Variants in FCN2 observed in about 807,000 individuals in gnomAD.
The protein encoded by FCN2 is ficolin 2.
FCN2 carries 31 observed loss-of-function variants against 32.5 expected under a neutral mutation model. The ratio of observed to expected loss-of-function variants is 0.96; its 90% CI spans 0.72 to 1.29. The LOEUF is 1.29. Ranked by LOEUF, FCN2 falls within the 50% of genes most tolerant of loss-of-function variation. The probability of loss-of-function intolerance (pLI) is 0.00; values close to 1 mark genes in which losing one functional copy is unlikely to be tolerated. For synonymous variants in FCN2, 181 were observed against 164.5 expected, an observed-to-expected ratio of 1.10 and a Z score of -0.77; for missense variants, 412 against 406.5, an observed-to-expected ratio of 1.01 and a Z score of -0.12.
chr9:134,887,048 G>A, intron 7 of FCN2, 120 bp from the exon 8 acceptor site: 1 of 1,186,332 alleles, frequency 8.4e-7, no homozygotes, highest in Non-Finnish European at 1.3e-6. Flanking sequence ...GGATTGTGCA[G>A]TGCACAACCT....
upstream of FCN2, among the ~76,000 whole-genome samples, chr9:134,875,952 G>T (rs1830600546): frequency 1.3e-5 from 2 of 152,160 alleles, no homozygotes; most frequent in African/African-American, 4.8e-5. Flanking sequence ...GATAGAAAAG[G>T]AATACTTTTT....
At chr9:134,874,968 T>C in the FCN2 span, among the ~76,000 whole-genome samples, 1 of 152,240 alleles carries the variant, frequency 6.6e-6, no homozygotes, top group African/African-American at 2.4e-5. Flanking sequence ...CTATGGTAAA[T>C]GGTGTTTTAA....
the FCN2 span, among the ~76,000 whole-genome samples, chr9:134,874,943 T>C: frequency 2.0e-5 from 3 of 152,256 alleles, no homozygotes; most frequent in Non-Finnish European, 4.4e-5. Context: ...CCATAAGTAT[T>C]TTATATTTTC....
intron 5 of FCN2, 33 bp from the exon 6 acceptor site, chr9:134,885,735 C>G (rs549770448): frequency 3.1e-6 from 5 of 1,613,568 alleles, no homozygotes; most frequent in Non-Finnish European, 4.2e-6. Context: ...TCGGCCTGGC[C>G]CCCCCGGCTC....
upstream of FCN2, among the ~76,000 whole-genome samples, chr9:134,879,150 T>C (rs1830630042): frequency 6.6e-6 from 1 of 152,234 alleles, no homozygotes; most frequent in Non-Finnish European, 1.5e-5. Flanking sequence ...AGTGATTCAA[T>C]AGTTTATATG....
At position 134,887,465 on chromosome 9, in the gene FCN2, GGTA is replaced by G; in HGVS notation, c.*52_*54del. The G allele has an allele frequency of 1.3e-6, 2 of 1,585,360 alleles. No individual in the cohort carries two copies. Among genetic ancestry groups the G allele is most frequent in the Non-Finnish European group, 1.7e-6 (2 of 1,156,044 alleles). On this transcript the variant is annotated 3_prime_UTR_variant, in exon 8 of 8. Coordinates refer to ENST00000291744, the MANE Select transcript of FCN2 (RefSeq NM_004108.3). ...CGCCTCCACACATAGTTGGTTGGGGGGTAGGGTTGGGAGCTTGGCCCTACGGTT... is the reference window on the plus strand; with the variant it reads ...CGCCTCCACACATAGTTGGTTGGGGGGGGTTGGGAGCTTGGCCCTACGGTT...
chr9:134,887,472 T>C lies in FCN2; in HGVS notation c.*57T>C. ...ACACATAGTTGGTTGGGGGGTAGGGTTGGGAGCTTGGCCCTACGGTTTGTA... is the reference window on the plus strand; with the variant it reads ...ACACATAGTTGGTTGGGGGGTAGGGCTGGGAGCTTGGCCCTACGGTTTGTA... On this transcript the variant is annotated 3_prime_UTR_variant, in exon 8 of 8. Coordinates refer to ENST00000291744, the MANE Select transcript of FCN2 (RefSeq NM_004108.3). The C allele has an allele frequency of 1.9e-6, 3 of 1,549,408 alleles. No homozygotes were observed. Among genetic ancestry groups the C allele is most frequent in the South Asian group, 1.1e-5 (1 of 89,168 alleles).
At chr9:134,885,699 G>C in intron 5 of FCN2, 69 bp from the exon 6 acceptor site, 4 of 1,607,874 alleles carry the variant, frequency 2.5e-6, no homozygotes, top group Non-Finnish European at 2.6e-6. Context: ...CTCCTCTGGA[G>C]GGCGGGTCCC....
At chr9:134,865,058 C>T in the FCN2 span, among the ~76,000 whole-genome samples, 4 of 152,340 alleles carry the variant, frequency 2.6e-5, no homozygotes, top group East Asian at 3.9e-4. Context: ...GCCTGTGCCA[C>T]GATCAATGTC....
chr9:134,870,031 T>C, the FCN2 span, among the ~76,000 whole-genome samples: 1 of 152,192 alleles, frequency 6.6e-6, no homozygotes, highest in Non-Finnish European at 1.5e-5. This position sits in a 1 kb window ranked among gnomAD's most constrained non-coding sequence, Gnocchi z 4.3. Flanking sequence ...GATCCGACTC[T>C]GGTGGTCCTC....
Position 134,887,313 on chromosome 9 carries a change from C to T in FCN2, c.840C>T (p.Leu280=), listed in dbSNP as rs747293688. 1.2e-6 allele frequency: 2 copies of T among 1,614,010 alleles called. No individual in the cohort carries two copies. The highest frequency in any genetic ancestry group is 3.3e-5 in the Admixed American group (2 of 59,994). The change falls in exon 8 of 8, where the codon CTC becomes CTT. Residue 280 remains leucine, a synonymous_variant. Transcript: ENST00000291744. ...TGTCAAACCTGAATGGTCGCTACCT[C>T]AGGGGGACTCATGGCAGCTTTGCAA... ...CHVSNLNGRY[L]RGTHGSFANG... is the part of the protein sequence containing the mutation.
chr9:134,867,488 G>T, the FCN2 span, among the ~76,000 whole-genome samples: 5 of 120,860 alleles, frequency 4.1e-5, no homozygotes, highest in Non-Finnish European at 8.3e-5. Context: ...TGGGGACTGT[G>T]GTGGGGTGGG....
the FCN2 span, among the ~76,000 whole-genome samples, chr9:134,875,435 C>G: frequency 3.2e-4 from 48 of 152,240 alleles, no homozygotes; most frequent in Non-Finnish European, 5.6e-4. Flanking sequence ...GTCCCCACCC[C>G]CCTTGAGTGT....
the FCN2 span, among the ~76,000 whole-genome samples, chr9:134,864,975 C>A: frequency 0.14 from 20,800 of 152,174 alleles, 2,019 homozygotes; most frequent in East Asian, 0.37. Flanking sequence ...GAAGGGCCGT[C>A]GTGAGAGTCC....
upstream of FCN2, among the ~76,000 whole-genome samples, chr9:134,878,018 C>A (rs1417892387): frequency 6.6e-6 from 1 of 152,104 alleles, no homozygotes; most frequent in Non-Finnish European, 1.5e-5. Flanking sequence ...AAAAAGCAGG[C>A]AGAAAAATGT....
chr9:134,867,889 T>G, the FCN2 span, among the ~76,000 whole-genome samples: 8,157 of 152,264 alleles, frequency 0.054, 268 homozygotes, highest in African/African-American at 0.091. Context: ...TTATTGAAAG[T>G]GCCCACTGTT....
the FCN2 span, among the ~76,000 whole-genome samples, chr9:134,865,009 G>A: frequency 2.0e-5 from 3 of 152,330 alleles, no homozygotes; most frequent in African/African-American, 7.2e-5. Flanking sequence ...AGGAGGCAGT[G>A]GGCGTACAGG....
upstream of FCN2, chr9:134,880,790 G>T (rs1178610082): frequency 1.9e-6 from 3 of 1,562,810 alleles, 1 homozygote; most frequent in South Asian, 2.2e-5. Context: ...CTATAAGAGG[G>T]CAGGCACCTT....
upstream of FCN2, among the ~76,000 whole-genome samples, chr9:134,876,797 C>A (rs1229625207): frequency 6.6e-6 from 1 of 152,118 alleles, no homozygotes; most frequent in Admixed American, 6.6e-5. Context: ...AGGCTGGTCT[C>A]GAACTGACTT....
Sources: allele counts gnomAD v4.1 joint callset (sites outside exome capture counted in the v4.1 genomes callset), GRCh38; gene constraint gnomAD v4.1.1; non-coding constraint Gnocchi (gnomAD v3.1); transcripts MANE v1.5; gene names NCBI Gene and HGNC (gene_info 2026-07-23, HGNC 2026-07-21).